Variants in SLCO2B1 observed in about 807,000 individuals in gnomAD.
SLCO2B1 encodes the protein solute carrier organic anion transporter family member 2B1.
Under a neutral mutation model 67.3 loss-of-function variants are expected in SLCO2B1, and 41 were observed. That is an observed-to-expected ratio of 0.61 (90% CI 0.47 to 0.79). The LOEUF is 0.79. Ranked by LOEUF, SLCO2B1 falls within the 30% of genes least tolerant of loss-of-function variation. The pLI, the probability that SLCO2B1 is intolerant of heterozygous loss-of-function variation, is 0.00. For missense variants in SLCO2B1, 837 were observed against 920.1 expected, an observed-to-expected ratio of 0.91 and a Z score of 1.17; for synonymous variants, 379 against 381.4, an observed-to-expected ratio of 0.99 and a Z score of 0.07.
intron 4 of SLCO2B1, among the ~76,000 whole-genome samples, chr11:75,168,375 A>G (rs1471354746): frequency 6.6e-6 from 1 of 152,170 alleles, no homozygotes; most frequent in Admixed American, 6.5e-5. Context: ...CTGGGTTGAC[A>G]CAGCTCAGAG....
chr11:75,170,156 G>A (rs1018834035), intron 6 of SLCO2B1, among the ~76,000 whole-genome samples: 2 of 152,180 alleles, frequency 1.3e-5, no homozygotes, highest in Non-Finnish European at 2.9e-5. Flanking sequence ...CCTGTTTTTA[G>A]GGGGAAACAA....
rs777589588 is a variant in SLCO2B1, at chr11:75,151,112, G to A, written c.-270G>A. ...AGCCAGGGCAAGGGAGAGACAGAAG[G>A]AGCAAGTGACCCAGGGAGACAAACA... On this transcript the variant is annotated 5_prime_UTR_variant, in exon 1 of 14. Coordinates refer to ENST00000289575, the MANE Select transcript of SLCO2B1 (RefSeq NM_007256.5). The A allele has an allele frequency of 1.5e-5, 7 of 471,646 alleles. No individual in the cohort carries two copies. The highest frequency in any genetic ancestry group is 2.6e-5 in the Non-Finnish European group (7 of 265,232). 29.2% of individuals were successfully genotyped at this position (471,646 alleles called of 1,614,324 possible). A position where few individuals can be genotyped will look rare whatever the true frequency, so the allele number is the denominator to read the frequency against.
chr11:75,165,195 G>T (rs1949872529), intron 3 of SLCO2B1, among the ~76,000 whole-genome samples: 1 of 152,150 alleles, frequency 6.6e-6, no homozygotes. Context: ...ACTTTGGGAG[G>T]CTGAGGTGGG....
At chr11:75,162,335 G>A (rs1381622957) in intron 1 of SLCO2B1, among the ~76,000 whole-genome samples, 1 of 152,146 alleles carries the variant, frequency 6.6e-6, no homozygotes, top group Admixed American at 6.5e-5. Flanking sequence ...ACTACCTGCA[G>A]GTGTGTTGTG....
In SLCO2B1 at chr11:75,196,379, G is replaced by A. The variant is rs957141342; in HGVS notation, c.1434-135G>A. 7 of 853,454 alleles carry A rather than the reference G, an allele frequency of 8.2e-6. No individual in the cohort carries two copies. The African/African-American group carries it at 8.6e-5, about 10-fold the overall frequency. 52.9% of individuals were successfully genotyped at this position (853,454 alleles called of 1,614,324 possible). ...CTCACTATCACGCCATCATCGGGCA[G>A]CCCTGATGATGAAAATCCTCTGTGT... On this transcript the variant is annotated intron_variant, in intron 9 of 13. Coordinates refer to ENST00000289575, the MANE Select transcript of SLCO2B1 (RefSeq NM_007256.5).
intron 1 of SLCO2B1, chr11:75,159,945 G>A: frequency 1.2e-6 from 1 of 804,242 alleles, no homozygotes; most frequent in Non-Finnish European, 1.5e-6. Flanking sequence ...AGGCCAGGGG[G>A]CTGGAACTGG....
chr11:75,155,353 C>G (rs1294339376), intron 1 of SLCO2B1, among the ~76,000 whole-genome samples: 1 of 152,174 alleles, frequency 6.6e-6, no homozygotes, highest in African/African-American at 2.4e-5. Context: ...ATTCAGGGCC[C>G]TTATGCTGCC....
At position 75,160,336 on chromosome 11, in the gene SLCO2B1, G is replaced by C. The variant is rs185015575; in HGVS notation, c.17-2319G>C. On this transcript the variant is annotated intron_variant, in intron 1 of 13. Coordinates refer to ENST00000289575, the MANE Select transcript of SLCO2B1 (RefSeq NM_007256.5). ...AACACTTACCTGGGCTTGAGTCCTGGGACCAATGCTAACCAGCAAAGCTAG... is the reference window on the plus strand; with the variant it reads ...AACACTTACCTGGGCTTGAGTCCTGCGACCAATGCTAACCAGCAAAGCTAG... Among the ~76,000 whole-genome samples, 400 of 152,306 alleles carry C rather than the reference G, an allele frequency of 2.6e-3. 4 individuals carry two copies. The highest frequency in any genetic ancestry group is 9.1e-3 in the African/African-American group (377 of 41,566).
chr11:75,169,566 AGG>A, intron 5 of SLCO2B1, 98 bp from the exon 6 acceptor site: 1 of 1,223,298 alleles, frequency 8.2e-7, no homozygotes, highest in Middle Eastern at 2.0e-4. Context: ...ATCCCTGACC[AGG>A]GGAGACAGAG....
chr11:75,186,067 C>T (rs1944925189), intron 7 of SLCO2B1, among the ~76,000 whole-genome samples: 1 of 152,130 alleles, frequency 6.6e-6, no homozygotes, highest in African/African-American at 2.4e-5. Flanking sequence ...AAGTCCCAGC[C>T]TCATTTTCCT....
At chr11:75,176,135 T>C (rs934003073) in intron 7 of SLCO2B1, among the ~76,000 whole-genome samples, 1 of 152,332 alleles carries the variant, frequency 6.6e-6, no homozygotes, top group African/African-American at 2.4e-5. Context: ...TCCTGGCAGA[T>C]GGCTCTGCAG....
intron 6 of SLCO2B1, among the ~76,000 whole-genome samples, chr11:75,170,729 C>T (rs1318308942): frequency 1.3e-5 from 2 of 152,226 alleles, no homozygotes; most frequent in African/African-American, 2.4e-5. Flanking sequence ...GCCCCGCCCA[C>T]TCTCCTTCTG....
intron 1 of SLCO2B1, among the ~76,000 whole-genome samples, chr11:75,155,426 C>CTTCCCCTTCATTTAGT (rs1276149509): frequency 6.6e-6 from 1 of 151,932 alleles, no homozygotes; most frequent in Admixed American, 6.6e-5. Flanking sequence ...CCAGCCTTCT[C>CTTCCCCTTCATTTAGT]TTCCCCTTCA....
chr11:75,181,920 A>C (rs1950095738), intron 7 of SLCO2B1, among the ~76,000 whole-genome samples: 2 of 152,202 alleles, frequency 1.3e-5, no homozygotes. Flanking sequence ...AAGCGGCAGA[A>C]ATCTGTGGAG....
intron 4 of SLCO2B1, among the ~76,000 whole-genome samples, chr11:75,166,491 T>C (rs1472936608): frequency 6.6e-6 from 1 of 152,134 alleles, no homozygotes; most frequent in Non-Finnish European, 1.5e-5. Context: ...ACTTGACAAA[T>C]GGATGTCTCT....
At chr11:75,165,607 CTCT>C in intron 3 of SLCO2B1, among the ~76,000 whole-genome samples, 177 bp from the exon 4 acceptor site, 1 of 152,368 alleles carries the variant, frequency 6.6e-6, no homozygotes, top group African/African-American at 2.4e-5. Flanking sequence ...GCCCTCATTT[CTCT>C]CCCCTAAGGG....
intron 3 of SLCO2B1, 138 bp downstream of exon 3, chr11:75,164,238 C>A: frequency 4.3e-6 from 4 of 938,984 alleles, no homozygotes; most frequent in Admixed American, 2.9e-5. Context: ...CCAGCGCCTG[C>A]CTGAAACCTC....
chr11:75,172,349 C>T (rs1949971188), intron 6 of SLCO2B1, 30 bp from the exon 7 acceptor site: 3 of 1,592,752 alleles, frequency 1.9e-6, no homozygotes, highest in Admixed American at 3.4e-5. Flanking sequence ...ATCATCCTGA[C>T]CCTAATGTCA....
At chr11:75,194,202 C>T (rs1043917930) in intron 9 of SLCO2B1, among the ~76,000 whole-genome samples, 4 of 152,330 alleles carry the variant, frequency 2.6e-5, no homozygotes, top group South Asian at 2.1e-4. Flanking sequence ...CTCTGCCCTC[C>T]GGGAGGAAGT....
Sources: allele counts gnomAD v4.1 joint callset (sites outside exome capture counted in the v4.1 genomes callset), GRCh38; gene constraint gnomAD v4.1.1; transcripts MANE v1.5; gene names NCBI Gene and HGNC (gene_info 2026-07-23, HGNC 2026-07-21).